Variants in MAD1L1 observed in about 807,000 individuals in gnomAD.
MAD1L1 encodes mitotic arrest deficient 1 like 1.
MAD1L1 carries 95 observed loss-of-function variants against 96.9 expected under a neutral mutation model. That is an observed-to-expected ratio of 0.98 (90% CI 0.83 to 1.16). MAD1L1 has a LOEUF of 1.16. Among genes scored for constraint, MAD1L1 ranks in the 50% most tolerant of loss-of-function variants. MAD1L1 has a pLI of 0.00. For missense variants in MAD1L1, 1,007 were observed against 954.4 expected (o/e 1.06, Z -0.73); for synonymous variants, 473 against 396.6 (o/e 1.19, Z -2.29).
intron 12 of MAD1L1, among the ~76,000 whole-genome samples, chr7:2,047,420 T>A (rs949951858): frequency 6.6e-6 from 1 of 152,200 alleles, no homozygotes; most frequent in Non-Finnish European, 1.5e-5. Context: ...ACCAAAAGAA[T>A]ATTAACTCCA....
At chr7:1,866,102 G>A (rs756697458) in intron 18 of MAD1L1, among the ~76,000 whole-genome samples, 3 of 152,260 alleles carry the variant, frequency 2.0e-5, no homozygotes, top group African/African-American at 4.8e-5. Context: ...CTGACAGACC[G>A]TGGGTGGGAG....
intron 16 of MAD1L1, chr7:1,940,211 G>A (rs1367887093): frequency 6.6e-6 from 1 of 152,234 alleles, no homozygotes; most frequent in Non-Finnish European, 1.5e-5. Context: ...AGGAGGGGAG[G>A]GGAAATCCAC....
intron 16 of MAD1L1, among the ~76,000 whole-genome samples, chr7:1,938,999 G>GCACACGCACA (rs1778788921): frequency 2.1e-5 from 1 of 48,656 alleles, no homozygotes; most frequent in African/African-American, 8.2e-5. Flanking sequence ...GCACACACAC[G>GCACACGCACA]CACACACACA....
intron 12 of MAD1L1, among the ~76,000 whole-genome samples, chr7:2,052,549 G>C (rs1784230193): frequency 6.6e-6 from 1 of 152,126 alleles, no homozygotes; most frequent in Non-Finnish European, 1.5e-5. Context: ...GCACCTGACA[G>C]CTCCCTGGGG....
chr7:1,943,664 G>C (rs1275388428), intron 16 of MAD1L1, among the ~76,000 whole-genome samples: 1 of 152,090 alleles, frequency 6.6e-6, no homozygotes, highest in South Asian at 2.1e-4. Context: ...GGCAGCCCTG[G>C]AGAACAGTCT....
rs577343363 is a variant in MAD1L1, at chr7:1,887,632, T to C, written c.1998+10568A>G. 5.3e-5 allele frequency among the ~76,000 whole-genome samples: 8 copies of C among 150,252 alleles called. 1 individual carries two copies. The South Asian group carries it at 8.6e-4, about 16-fold the overall frequency. ...GTGGCTGCCTGTGCATGGGCATGTG[T>C]GTGCATGCATGCATGTGGGTGCCTG... is the stretch of plus-strand genomic sequence containing the variant. On this transcript the variant is annotated intron_variant, in intron 18 of 18. Transcript: ENST00000265854.
chr7:2,221,758 C>T (rs912003052), intron 5 of MAD1L1, among the ~76,000 whole-genome samples: 19 of 152,312 alleles, frequency 1.2e-4, no homozygotes, highest in Middle Eastern at 3.4e-3. Flanking sequence ...CAAATCCAGA[C>T]GTGCCTCCTT....
chr7:1,920,598 C>T (rs1049933926), intron 17 of MAD1L1, among the ~76,000 whole-genome samples: 4 of 152,168 alleles, frequency 2.6e-5, no homozygotes, highest in Admixed American at 6.5e-5. Flanking sequence ...TGGGTACAGA[C>T]GCACAGCCAG....
intron 12 of MAD1L1, among the ~76,000 whole-genome samples, chr7:2,038,498 C>CTTTTTT (rs60466584): frequency 0.045 from 4,189 of 93,002 alleles, 311 homozygotes; most frequent in Middle Eastern, 0.094. Flanking sequence ...AAGCTGATGA[C>CTTTTTT]TTTTTTTTTT....
At chr7:2,214,844 C>A (rs1288111222) in intron 9 of MAD1L1, among the ~76,000 whole-genome samples, 1 of 152,230 alleles carries the variant, frequency 6.6e-6, no homozygotes, top group Non-Finnish European at 1.5e-5. Flanking sequence ...CCTGCCAGCC[C>A]TGATCCTCAC....
At chr7:1,847,296 G>A (rs547268540) in intron 18 of MAD1L1, 59 of 471,090 alleles carry the variant, frequency 1.3e-4, no homozygotes, top group African/African-American at 1.0e-3. Context: ...CAGGACTGCA[G>A]GAGCCGCTGG....
intron 18 of MAD1L1, among the ~76,000 whole-genome samples, chr7:1,826,676 C>G (rs895409331): frequency 4.6e-5 from 7 of 152,258 alleles, no homozygotes; most frequent in Admixed American, 1.3e-4. Flanking sequence ...GGCCTGGCGG[C>G]AACTGGGTCA....
chr7:2,074,100 C>T (rs1785266062), intron 11 of MAD1L1, among the ~76,000 whole-genome samples: 2 of 152,134 alleles, frequency 1.3e-5, no homozygotes, highest in African/African-American at 4.8e-5. Context: ...GGCGAGTCTA[C>T]CCAGTCTGTT....
intron 17 of MAD1L1, among the ~76,000 whole-genome samples, chr7:1,926,775 C>G (rs936186220): frequency 6.6e-6 from 1 of 152,300 alleles, no homozygotes; most frequent in African/African-American, 2.4e-5. Context: ...GCTAGCAGCA[C>G]GCCTCATGGA....
intron 15 of MAD1L1, among the ~76,000 whole-genome samples, chr7:1,971,477 T>C (rs1562572227): frequency 1.3e-5 from 2 of 152,020 alleles, no homozygotes; most frequent in Non-Finnish European, 2.9e-5. Context: ...TATAAAAACA[T>C]GGGGAAGTGT....
chr7:2,123,973 G>GGC (rs386409367), intron 11 of MAD1L1, among the ~76,000 whole-genome samples: 1 of 152,150 alleles, frequency 6.6e-6, no homozygotes, highest in African/African-American at 2.4e-5. Flanking sequence ...AAGGGGCGGG[G>GGC]GCTTAGGCCC....
intron 11 of MAD1L1, among the ~76,000 whole-genome samples, chr7:2,091,905 G>C (rs1786236005): frequency 6.6e-6 from 1 of 152,160 alleles, no homozygotes. Flanking sequence ...GGGTGTTGTG[G>C]TGCTTCTGGT....
intron 11 of MAD1L1, among the ~76,000 whole-genome samples, chr7:2,144,367 A>G (rs2128577009): frequency 6.6e-6 from 1 of 152,296 alleles, no homozygotes; most frequent in South Asian, 2.1e-4. Context: ...TGAACCCTGG[A>G]GCCCTCACGG....
At chr7:2,070,028 G>A (rs1785051588) in intron 11 of MAD1L1, among the ~76,000 whole-genome samples, 1 of 152,220 alleles carries the variant, frequency 6.6e-6, no homozygotes, top group South Asian at 2.1e-4. Flanking sequence ...CTGCCACTGG[G>A]CACCAAGCTG....
Sources: gnomAD v4.1 joint callset for allele counts (sites outside exome capture counted in the v4.1 genomes callset) on GRCh38, gnomAD v4.1.1 for gene constraint, MANE v1.5 for transcripts, NCBI Gene and HGNC (gene_info 2026-07-23, HGNC 2026-07-21) for gene names.